FMO5: variants seen among roughly 807,000 people sequenced by gnomAD.
FMO5 encodes the protein flavin-containing monooxygenase 5.
In FMO5, 51 loss-of-function variants were observed where a neutral mutation model predicts 43.6. The observed-to-expected ratio is 1.17, with a 90% CI of 0.93 to 1.48. The LOEUF (loss-of-function observed/expected upper bound fraction) is 1.48, where lower values mean the gene tolerates loss of function less well. Ranked by LOEUF, FMO5 falls within the 40% of genes most tolerant of loss-of-function variation. The probability of loss-of-function intolerance (pLI) is 0.00; values close to 1 mark genes in which losing one functional copy is unlikely to be tolerated. For synonymous variants in FMO5, 187 were observed against 216.5 expected (o/e 0.86, Z 1.20); for missense variants, 644 against 643.0 (o/e 1.00, Z -0.02).
chr1:147,226,655 T>C (rs2102141424), upstream of FMO5, among the ~76,000 whole-genome samples: 1 of 152,288 alleles, frequency 6.6e-6, no homozygotes, highest in Admixed American at 6.5e-5. Flanking sequence ...GGCTCATGCC[T>C]TGGATCCTTG....
chr1:147,217,125 A>G (rs1553925195), intron 2 of FMO5, among the ~76,000 whole-genome samples: 2 of 152,152 alleles, frequency 1.3e-5, no homozygotes, highest in East Asian at 3.9e-4. Context: ...CTGTAATCCC[A>G]GCTAGTCGGG....
chr1:147,208,909 T>C lies in FMO5; in HGVS notation c.773A>G (p.Glu258Gly). The stretch of plus-strand genomic sequence containing the variant: ...GTCAAACCTTTGGTTTATCTTTTTT[T>C]CCAAATATTTGTTTGCTAATGATTG... Reference protein sequence around the residue: ...CGQSLANKYLEKKINQRFDHE... With the variant: ...CGQSLANKYLGKKINQRFDHE... The change falls in exon 6 of 9, where the codon GAA (glutamate) becomes GGA (glycine). Residue 258 changes from glutamate (E) to glycine (G), a missense_variant. Coordinates refer to ENST00000254090, the MANE Select transcript of FMO5 (RefSeq NM_001461.4). 1.9e-6 allele frequency: 3 copies of C among 1,614,166 alleles called. No homozygotes were observed. The highest frequency in any genetic ancestry group is 2.5e-6 in the Non-Finnish European group (3 of 1,179,990).
intron 7 of FMO5, among the ~76,000 whole-genome samples, chr1:147,200,731 A>T (rs1157544650): frequency 6.6e-6 from 1 of 152,194 alleles, no homozygotes; most frequent in Non-Finnish European, 1.5e-5. Context: ...ATAAAGTCAT[A>T]CTATTTCTAT....
chr1:147,207,833 C>T (rs782570264), intron 6 of FMO5, among the ~76,000 whole-genome samples: 1 of 152,186 alleles, frequency 6.6e-6, no homozygotes, highest in East Asian at 1.9e-4. Context: ...AGTATGTGTG[C>T]CCCTCCCCTG....
At chr1:147,222,722 T>C (rs1553926567) in intron 2 of FMO5, among the ~76,000 whole-genome samples, 1 of 152,194 alleles carries the variant, frequency 6.6e-6, no homozygotes, top group Non-Finnish European at 1.5e-5. Context: ...TTACAAAGTG[T>C]TAAAATTTTG....
chr1:147,202,818 T>C (rs962226351), intron 6 of FMO5, among the ~76,000 whole-genome samples: 7 of 152,164 alleles, frequency 4.6e-5, no homozygotes, highest in African/African-American at 1.7e-4. Flanking sequence ...TCACCAGCAG[T>C]ACCACCATCC....
intron 2 of FMO5, among the ~76,000 whole-genome samples, chr1:147,218,831 C>T (rs1553925662): frequency 6.6e-6 from 1 of 152,140 alleles, no homozygotes; most frequent in Admixed American, 6.5e-5. Context: ...TGGAAAATTT[C>T]CTGTCCTTCA....
intron 2 of FMO5, among the ~76,000 whole-genome samples, chr1:147,217,709 A>G (rs143373499): frequency 4.6e-5 from 7 of 152,304 alleles, no homozygotes; most frequent in African/African-American, 1.7e-4. Flanking sequence ...AATCTAGCCT[A>G]CCTGTTTCAA....
intron 2 of FMO5, among the ~76,000 whole-genome samples, chr1:147,223,298 C>T (rs181150457): frequency 2.0e-4 from 30 of 152,242 alleles, no homozygotes; most frequent in African/African-American, 7.0e-4. Flanking sequence ...TGCAGGTCAG[C>T]TAAGGGGATC....
Position 147,186,791 on chromosome 1 carries a change from T to G in FMO5, c.*109A>C. On this transcript the variant is annotated 3_prime_UTR_variant, in exon 9 of 9. Coordinates refer to ENST00000254090, the MANE Select transcript of FMO5 (RefSeq NM_001461.4). ...TGAATTAATGCTTTCGAAAGAGACA[T>G]TAAAGTAGATTTCTGGGCAATATGA... The G allele has an allele frequency of 6.7e-7, 1 of 1,497,692 alleles. No homozygotes were observed. The highest frequency in any genetic ancestry group is 8.8e-7 in the Non-Finnish European group (1 of 1,130,252). The allele number at this position is 1,497,692 out of a possible 1,614,324, so 92.8% of individuals were successfully genotyped here. A position where few individuals can be genotyped will look rare whatever the true frequency, so the allele number is the denominator to read the frequency against.
chr1:147,194,544 G>C (rs1657581780), intron 7 of FMO5, among the ~76,000 whole-genome samples: 1 of 152,172 alleles, frequency 6.6e-6, no homozygotes, highest in African/African-American at 2.4e-5. Context: ...ATTTGGTTCT[G>C]TGATTATGAT....
At chr1:147,192,689 G>A (rs587734703) in intron 7 of FMO5, among the ~76,000 whole-genome samples, 43 of 152,152 alleles carry the variant, frequency 2.8e-4, no homozygotes, top group East Asian at 2.7e-3. Flanking sequence ...ACATCCCATC[G>A]ATACCTAATT....
chr1:147,202,309 G>GTCTTTTTTTTTTTTTTTTTTTTTTTTTTT lies in FMO5; in HGVS notation c.831-806_831-805insAAAAAAAAAAAAAAAAAAAAAAAAAAAGA, dbSNP rs1659115947. On this transcript the variant is annotated intron_variant, in intron 6 of 8. Transcript: ENST00000254090. The stretch of plus-strand genomic sequence containing the variant: ...GTATCGTGGAGCTTTCTAAAAAGCA[G>GTCTTTTTTTTTTTTTTTTTTTTTTTTTTT]TTCTTTTTTTTTTTTTTTTTTTTTT... 1.7e-5 allele frequency among the ~76,000 whole-genome samples: 2 copies of GTCTTTTTTTTTTTTTTTTTTTTTTTTTTT among 118,436 alleles called. 1 individual carries two copies. The highest frequency in any genetic ancestry group is 6.3e-5 in the African/African-American group (2 of 31,602). The allele number at this position is 118,436 out of a possible 152,430, so 77.7% of individuals were successfully genotyped here.
At chr1:147,187,960 A>G (rs896930259) in intron 8 of FMO5, among the ~76,000 whole-genome samples, 1 of 152,206 alleles carries the variant, frequency 6.6e-6, no homozygotes, top group Non-Finnish European at 1.5e-5. Flanking sequence ...AGGAAGAGAA[A>G]AGCCAAGTCA....
At chr1:147,197,430 G>A (rs1430531691) in intron 7 of FMO5, among the ~76,000 whole-genome samples, 1 of 152,070 alleles carries the variant, frequency 6.6e-6, no homozygotes, top group Non-Finnish European at 1.5e-5. Flanking sequence ...TGGTTTGGCT[G>A]TGTCCCCACC....
At chr1:147,200,839 G>T (rs1388308751) in intron 7 of FMO5, among the ~76,000 whole-genome samples, 1 of 152,072 alleles carries the variant, frequency 6.6e-6, no homozygotes, top group Non-Finnish European at 1.5e-5. Context: ...CTAATTTGGA[G>T]TACACATTGG....
intron 7 of FMO5, among the ~76,000 whole-genome samples, chr1:147,196,436 T>C (rs1658015304): frequency 6.6e-6 from 1 of 151,810 alleles, no homozygotes; most frequent in Non-Finnish European, 1.5e-5. Flanking sequence ...GCTAGAAACA[T>C]GAAGGAGGAG....
chr1:147,224,011 G>A, intron 2 of FMO5: 1 of 421,060 alleles, frequency 2.4e-6, no homozygotes, highest in Non-Finnish European at 4.7e-6. Context: ...AGAAGACTCA[G>A]CTGGTGGTGA....
chr1:147,208,141 A>C (rs1248035743), intron 6 of FMO5, among the ~76,000 whole-genome samples: 2 of 151,616 alleles, frequency 1.3e-5, no homozygotes, highest in Admixed American at 1.3e-4. Context: ...AGTCCTCAGA[A>C]AGGTGAGTGT....
Sources: gnomAD v4.1 joint callset for allele counts (sites outside exome capture counted in the v4.1 genomes callset) on GRCh38, gnomAD v4.1.1 for gene constraint, MANE v1.5 for transcripts, NCBI Gene and HGNC (gene_info 2026-07-23, HGNC 2026-07-21) for gene names.